Variants in CCND3 observed in about 807,000 individuals in gnomAD.
The protein encoded by CCND3 is G1/S-specific cyclin-D3.
Under a neutral mutation model 28.7 loss-of-function variants are expected in CCND3, and 9 were observed. That is an observed-to-expected ratio of 0.31 (90% confidence interval 0.19 to 0.55). The LOEUF (loss-of-function observed/expected upper bound fraction) is 0.55, where lower values mean the gene tolerates loss of function less well. CCND3 is among the 20% of genes least tolerant of loss of function. The probability of loss-of-function intolerance (pLI) is 0.93; values close to 1 mark genes in which losing one functional copy is unlikely to be tolerated. For synonymous variants in CCND3, 164 were observed against 163.9 expected (o/e 1.00, Z 0.00); for missense variants, 315 against 385.8 (o/e 0.82, Z 1.54).
chr6:41,935,424 G>C lies in CCND3; in HGVS notation c.*516C>G, dbSNP rs1429666582. On this transcript the variant is annotated 3_prime_UTR_variant, in exon 5 of 5. Coordinates refer to ENST00000372991, the MANE Select transcript of CCND3 (RefSeq NM_001760.5). ...GCCTAGGCCCCTCCCTCTAGGAGCA[G>C]CTGTCAGCACGGACTACATAGGGGC... 2 of 247,100 alleles carry C rather than the reference G, an allele frequency of 8.1e-6. No individual in the cohort carries two copies. Among genetic ancestry groups the C allele is most frequent in the Non-Finnish European group, 1.6e-5 (2 of 127,890 alleles). The allele number at this position is 247,100 out of a possible 1,614,324, so 15.3% of individuals were successfully genotyped here.
At chr6:42,028,868 T>C (rs184759974) in intron 1 of CCND3, among the ~76,000 whole-genome samples, 2 of 152,348 alleles carry the variant, frequency 1.3e-5, no homozygotes, top group Non-Finnish European at 2.9e-5. Flanking sequence ...TGTTCGCTAT[T>C]TTCAAGGCCA....
At position 42,004,753 on chromosome 6, in the gene CCND3, ATAAC is replaced by A. The variant is rs1166272265; in HGVS notation, c.-46+43744_-46+43747del. Among the ~76,000 whole-genome samples, 10 of 152,278 alleles carry A rather than the reference ATAAC, an allele frequency of 6.6e-5. No individual in the cohort carries two copies. In the East Asian group the frequency reaches 1.9e-3, roughly 29 times the overall value. On this transcript the variant is annotated intron_variant, in intron 1 of 4. Transcript: ENST00000372988. ...TCAGGAAAAAAAAGAAAAAGAAAGAATAACTATTTATTATTATCCAAACCAGTAT... is the reference window on the plus strand; with the variant it reads ...TCAGGAAAAAAAAGAAAAAGAAAGAATATTTATTATTATCCAAACCAGTAT...
intron 1 of CCND3, among the ~76,000 whole-genome samples, chr6:41,983,386 G>C (rs1438590400): frequency 1.4e-5 from 2 of 147,034 alleles, no homozygotes; most frequent in African/African-American, 5.0e-5. Context: ...AAAAAAAAAA[G>C]GTGTATGTTA....
chr6:41,941,324 C>T lies in CCND3; in HGVS notation c.198+128G>A. On this transcript the variant is annotated intron_variant, in intron 1 of 4. Coordinates refer to ENST00000372991, the MANE Select transcript of CCND3 (RefSeq NM_001760.5). The surrounding 1 kb of genome is among the most constrained non-coding windows in gnomAD (Gnocchi z 6.1). ...TGGCGTGGGTGCCCTAGTGAAAGGC[C>T]AGGCCCCGGGAGTCTTAGCCTCGGA... 2.0e-6 allele frequency: 3 copies of T among 1,486,514 alleles called. No individual in the cohort carries two copies. Among genetic ancestry groups the T allele is most frequent in the Non-Finnish European group, 2.7e-6 (3 of 1,121,078 alleles). 92.1% of individuals were successfully genotyped at this position (1,486,514 alleles called of 1,614,324 possible).
chr6:41,954,860 TGGAGCA>T (rs1054518454), intron 1 of CCND3, among the ~76,000 whole-genome samples: 1 of 152,180 alleles, frequency 6.6e-6, no homozygotes, highest in African/African-American at 2.4e-5. Flanking sequence ...CTGCGATGCC[TGGAGCA>T]GCTGCAGCCA....
intron 1 of CCND3, among the ~76,000 whole-genome samples, chr6:41,974,730 G>T (rs1561968423): frequency 6.6e-6 from 1 of 151,960 alleles, no homozygotes; most frequent in Non-Finnish European, 1.5e-5. Flanking sequence ...CCCCAAAAGG[G>T]GGATGGGGCG....
intron 1 of CCND3, among the ~76,000 whole-genome samples, chr6:41,947,562 C>T (rs555485460): frequency 6.6e-6 from 1 of 152,354 alleles, no homozygotes; most frequent in East Asian, 1.9e-4. Context: ...TCCCCACACT[C>T]TGATCAGCAG....
At position 41,936,367 on chromosome 6, in the gene CCND3, G is replaced by C; in HGVS notation, c.711+192C>G. On this transcript the variant is annotated intron_variant, in intron 4 of 4. Coordinates refer to ENST00000372991, the MANE Select transcript of CCND3 (RefSeq NM_001760.5). The surrounding 1 kb of genome is among the most constrained non-coding windows in gnomAD (Gnocchi z 4.4). ...GGCAAGAAAAGAACCCCTAGGGCCA[G>C]TGCCCTTCACCCCACCCAAGATACT... 1 of 714,908 alleles carries C rather than the reference G, an allele frequency of 1.4e-6. No individual in the cohort carries two copies. The highest frequency in any genetic ancestry group is 2.3e-6 in the Non-Finnish European group (1 of 440,422). The allele number at this position is 714,908 out of a possible 1,614,324, so 44.3% of individuals were successfully genotyped here. A position where few individuals can be genotyped will look rare whatever the true frequency, so the allele number is the denominator to read the frequency against.
intron 1 of CCND3, among the ~76,000 whole-genome samples, chr6:42,020,532 C>A (rs925711179): frequency 1.3e-5 from 2 of 152,158 alleles, no homozygotes; most frequent in African/African-American, 4.8e-5. Flanking sequence ...AAGCAAGAAT[C>A]CCTGGCCTTG....
intron 1 of CCND3, among the ~76,000 whole-genome samples, chr6:42,016,518 G>A (rs146376747): frequency 2.0e-5 from 3 of 151,644 alleles, no homozygotes; most frequent in African/African-American, 7.3e-5. Context: ...TGAGAAAGTA[G>A]ACTCACAACA....
At chr6:41,976,473 G>A (rs539980618) in intron 1 of CCND3, among the ~76,000 whole-genome samples, 3 of 151,846 alleles carry the variant, frequency 2.0e-5, no homozygotes, top group African/African-American at 7.2e-5. Context: ...GCAACACAGC[G>A]AGACCACCAT....
chr6:42,001,460 T>TACTA (rs55662137), intron 1 of CCND3, among the ~76,000 whole-genome samples: 149,087 of 152,176 alleles, frequency 0.98, 73,100 homozygotes, highest in East Asian at 1. Flanking sequence ...ATACCACATA[T>TACTA]ACTAAGTGAA....
At chr6:42,035,704 G>T (rs1194676082) in intron 1 of CCND3, among the ~76,000 whole-genome samples, 2 of 143,818 alleles carry the variant, frequency 1.4e-5, no homozygotes, top group African/African-American at 5.2e-5. Flanking sequence ...TTGAGCCGGA[G>T]TCTCACTCTG....
intron 1 of CCND3, among the ~76,000 whole-genome samples, chr6:41,986,181 C>T (rs999142839): frequency 1.3e-5 from 2 of 151,928 alleles, no homozygotes; most frequent in Non-Finnish European, 2.9e-5. Context: ...ATTGCTATAG[C>T]TTTACAGTAT....
At chr6:41,987,272 G>A (rs1582134538) in intron 1 of CCND3, among the ~76,000 whole-genome samples, 2 of 151,954 alleles carry the variant, frequency 1.3e-5, no homozygotes, top group Admixed American at 1.3e-4. Flanking sequence ...CCAAAGGCTT[G>A]TGGCATTGTC....
chr6:41,937,768 A>C, intron 2 of CCND3: 1 of 257,970 alleles, frequency 3.9e-6, no homozygotes, highest in Non-Finnish European at 7.7e-6. Context: ...CAGCATCACC[A>C]TGAACTGGGC....
At chr6:41,953,060 T>C (rs1412017427) in intron 1 of CCND3, among the ~76,000 whole-genome samples, 1 of 151,820 alleles carries the variant, frequency 6.6e-6, no homozygotes, top group African/African-American at 2.4e-5. Flanking sequence ...TCACCTGAGG[T>C]CGGGAGTTTA....
intron 1 of CCND3, among the ~76,000 whole-genome samples, chr6:42,007,608 G>GA (rs1244804536): frequency 6.6e-6 from 1 of 152,170 alleles, no homozygotes; most frequent in Admixed American, 6.5e-5. Flanking sequence ...ACCATTCATA[G>GA]AAAAAATGAT....
At chr6:41,940,619 G>C (rs369575765) in intron 1 of CCND3, 34 bp from the exon 2 acceptor site, 1 of 1,500,742 alleles carries the variant, frequency 6.7e-7, no homozygotes, top group Non-Finnish European at 9.2e-7. Context: ...GCTGGGTCTG[G>C]AGCGTGGGGA....
Sources: allele counts gnomAD v4.1 joint callset (sites outside exome capture counted in the v4.1 genomes callset), GRCh38; gene constraint gnomAD v4.1.1; non-coding constraint Gnocchi (gnomAD v3.1); transcripts MANE v1.5; gene names NCBI Gene and HGNC (gene_info 2026-07-23, HGNC 2026-07-21).